Variants in KIF19 observed in about 807,000 individuals in gnomAD.
KIF19 encodes the protein kinesin family member 19, also known as kinesin-like protein KIF19.
In KIF19, 98 loss-of-function variants were observed where a neutral mutation model predicts 106.6. That is an observed-to-expected ratio of 0.92 (90% CI 0.78 to 1.09). The LOEUF (loss-of-function observed/expected upper bound fraction) is 1.09. KIF19 is among the 50% of genes least tolerant of loss of function. KIF19 has a pLI of 0.00. For missense variants in KIF19, 1,373 were observed against 1,414.3 expected, an observed-to-expected ratio of 0.97 and a Z score of 0.47; for synonymous variants, 516 against 584.2, an observed-to-expected ratio of 0.88 and a Z score of 1.68.
At chr17:74,344,712 G>T (rs925250818) in intron 6 of KIF19, 49 bp from the exon 7 acceptor site, 10 of 1,555,908 alleles carry the variant, frequency 6.4e-6, no homozygotes, top group South Asian at 1.2e-5. Context: ...CTCTCTGCCG[G>T]AGCACCTACG....
intron 2 of KIF19, among the ~76,000 whole-genome samples, chr17:74,337,729 TG>T (rs1433835161): frequency 6.6e-6 from 1 of 152,208 alleles, no homozygotes; most frequent in Admixed American, 6.5e-5. Flanking sequence ...GCAGGAAACC[TG>T]GCCTCCTTTT....
chr17:74,327,623 C>A (rs182185941), intron 1 of KIF19, among the ~76,000 whole-genome samples: 28 of 152,340 alleles, frequency 1.8e-4, no homozygotes, highest in Non-Finnish European at 3.2e-4. Flanking sequence ...CAGGCATGCA[C>A]CACCACGCCC....
At chr17:74,345,633 A>G in intron 7 of KIF19, among the ~76,000 whole-genome samples, 1 of 152,140 alleles carries the variant, frequency 6.6e-6, no homozygotes, top group East Asian at 1.9e-4. Context: ...CACCTGAGCA[A>G]TGAGGCTGGG....
chr17:74,354,576 G>C lies in KIF19; in HGVS notation c.2706+17G>C. 6.3e-7 allele frequency: 1 copy of C among 1,579,332 alleles called. No individual in the cohort carries two copies. Among genetic ancestry groups the C allele is most frequent in the Non-Finnish European group, 8.6e-7 (1 of 1,164,792 alleles). On this transcript the variant is annotated intron_variant, in intron 18 of 19. Coordinates refer to ENST00000389916, the MANE Select transcript of KIF19 (RefSeq NM_153209.4). ...GGGCAAGGGGTGAGGCGAGGCGCAG[G>C]GGTGGGTGTCTAGGCACTCCCATAG...
chr17:74,353,584 A>G lies in KIF19; in HGVS notation c.2308+3A>G, dbSNP rs764471789. 1.2e-6 allele frequency: 2 copies of G among 1,611,652 alleles called. No homozygotes were observed. Among genetic ancestry groups the G allele is most frequent in the Non-Finnish European group, 1.7e-6 (2 of 1,178,078 alleles). On this transcript the variant is annotated splice_donor_region_variant and intron_variant, in intron 17 of 19. Transcript: ENST00000389916. Reference sequence around the variant, plus strand: ...GGAGATCCCCTTGTCCCACAAAGGTATGTGTGCCCTCTGCTGCCCGGCCAC... The same window carrying G: ...GGAGATCCCCTTGTCCCACAAAGGTGTGTGTGCCCTCTGCTGCCCGGCCAC...
rs761219951 is a variant in KIF19 at position 74,346,465 on chromosome 17, G to A, written c.865G>A (p.Asp289Asn). ...GGGCAACTGCATCAACGCCCTGAGC[G>A]ACAAGGGTAGCAACAAGTACATCAA... ...ALGNCINALS[D>N]KGSNKYINYR... is the part of the protein sequence containing the mutation. The change falls in exon 8 of 20, where the codon GAC (aspartate) becomes AAC (asparagine). Residue 289 changes from aspartate (D) to asparagine (N), a missense_variant. Physicochemically the swap from Asp to Asn is conservative, Grantham distance 23. Coordinates refer to ENST00000389916, the MANE Select transcript of KIF19 (RefSeq NM_153209.4). This position sits in a 1 kb window ranked among gnomAD's most constrained non-coding sequence, Gnocchi z 4.6. The A allele has an allele frequency of 2.3e-4, 361 of 1,555,274 alleles. No homozygotes were observed. The highest frequency in any genetic ancestry group is 2.9e-4 in the Non-Finnish European group (335 of 1,149,410).
In KIF19 at chr17:74,354,171, AGAT is replaced by A; in HGVS notation, c.2319_2321del (p.Glu773_Ile774delinsAsp). 3 of 1,606,996 alleles carry A rather than the reference AGAT, an allele frequency of 1.9e-6. No individual in the cohort carries two copies. Among genetic ancestry groups the A allele is most frequent in the Non-Finnish European group, 2.5e-6 (3 of 1,178,342 alleles). On this transcript the variant is annotated inframe_deletion, in exon 18 of 20. Transcript: ENST00000389916. ...CCGTGTCCCGCTGCAGAGAGGAAGG[AGAT>A]CCTGACTGGCACCAAGTGCATCTGG...
chr17:74,326,748 C>A (rs908827283), intron 1 of KIF19, among the ~76,000 whole-genome samples: 24 of 152,230 alleles, frequency 1.6e-4, no homozygotes, highest in African/African-American at 5.5e-4. Flanking sequence ...AGGAGGGTGG[C>A]GGTTTCCCAG....
rs2054428904 is a variant in KIF19 at position 74,343,057 on chromosome 17, A to C, written c.353A>C (p.Asp118Ala). 1 of 1,612,276 alleles carries C rather than the reference A, an allele frequency of 6.2e-7. No individual in the cohort carries two copies. The highest frequency in any genetic ancestry group is 8.5e-7 in the Non-Finnish European group (1 of 1,179,518). ...AAAACCTACACCATGCTGGGCACAG[A>C]CCAGGAGCCTGGCATCTATGTTCAG... ...CGKTYTMLGTDQEPGIYVQTL... is the reference protein window; with the variant it reads ...CGKTYTMLGTAQEPGIYVQTL... The change falls in exon 5 of 20, where the codon GAC (aspartate) becomes GCC (alanine). Residue 118 changes from aspartate to alanine, a missense_variant. Transcript: ENST00000389916.
At position 74,350,365 on chromosome 17, in the gene KIF19, G is replaced by C. The variant is rs538844189; in HGVS notation, c.1214-36G>C. 7 of 1,536,692 alleles carry C rather than the reference G, an allele frequency of 4.6e-6. No individual in the cohort carries two copies. The South Asian group carries it at 4.8e-5, about 11-fold the overall frequency. On this transcript the variant is annotated intron_variant, in intron 10 of 19. Coordinates refer to ENST00000389916, the MANE Select transcript of KIF19 (RefSeq NM_153209.4). ...CCAGGCTTTGCTAGCTGAACTTGCC[G>C]CCTCCTCTACCTTGCCCACCCTCAC...
chr17:74,353,840 T>C (rs967280099), intron 17 of KIF19, among the ~76,000 whole-genome samples: 4 of 152,208 alleles, frequency 2.6e-5, no homozygotes, highest in African/African-American at 9.7e-5. Flanking sequence ...TGGAGACTTA[T>C]GTCCCCCCTC....
rs1567913893 is a variant in KIF19, at chr17:74,347,778, ACT to A, written c.931_932del (p.Leu311GlyfsTer36). 6.3e-7 allele frequency: 1 copy of A among 1,588,322 alleles called. No homozygotes were observed. Among genetic ancestry groups the A allele is most frequent in the Non-Finnish European group, 8.6e-7 (1 of 1,168,084 alleles). On this transcript the variant is annotated frameshift_variant and splice_region_variant, in exon 9 of 20. Coordinates refer to ENST00000389916, the MANE Select transcript of KIF19 (RefSeq NM_153209.4). LOFTEE classifies it high-confidence loss of function. Reference sequence around the variant, plus strand: ...TGACCACAGCCACCTCCCATCCAGGACTCTCTGGGAGGAAACAGCCGCACAGT... The same window carrying A: ...TGACCACAGCCACCTCCCATCCAGGACTCTGGGAGGAAACAGCCGCACAGT...
Position 74,350,496 on chromosome 17 carries a change from C to T in KIF19, c.1309C>T (p.Arg437Trp), listed in dbSNP as rs141758836. The change falls in exon 11 of 20, where the codon CGG becomes TGG. Residue 437 changes from arginine to tryptophan, a missense_variant. Physicochemically the swap from Arg to Trp is moderately radical, Grantham distance 101. This residue lies in a region of KIF19 where 1,020 missense variants were observed against 1,008.2 expected (regional missense o/e 1.01). Transcript: ENST00000389916. ...CGCCTTCCAGGAGCAGATGGATGTG[C>T]GGAGGCGCCTGCTGGAGCTGGAGAA... The part of the protein sequence containing the change: ...ASAFQEQMDV[R>W]RRLLELENRA... 5.3e-5 allele frequency: 86 copies of T among 1,612,198 alleles called. No individual in the cohort carries two copies. The highest frequency in any genetic ancestry group is 8.0e-5 in the African/African-American group (6 of 74,930).
chr17:74,333,344 T>C (rs2054142143), intron 2 of KIF19, among the ~76,000 whole-genome samples: 2 of 151,316 alleles, frequency 1.3e-5, no homozygotes. Flanking sequence ...AATGGAATCA[T>C]GCAGTATGTG....
rs1488392875 is a variant in KIF19 at position 74,353,317 on chromosome 17, C to T, written c.2220+16C>T. On this transcript the variant is annotated intron_variant, in intron 16 of 19. Coordinates refer to ENST00000389916, the MANE Select transcript of KIF19 (RefSeq NM_153209.4). ...GACGCAGGAGGTGAGCTCTCAGTAC[C>T]CGATGGCCCCACGAGCTCCACTGCA... 1.3e-6 allele frequency: 2 copies of T among 1,552,604 alleles called. No homozygotes were observed. The highest frequency in any genetic ancestry group is 1.7e-6 in the Non-Finnish European group (2 of 1,146,102).
intron 6 of KIF19, 150 bp from the exon 7 acceptor site, chr17:74,344,611 C>A: frequency 1.1e-6 from 1 of 906,232 alleles, no homozygotes; most frequent in Non-Finnish European, 1.6e-6. Context: ...CCACGCCAGG[C>A]CTCTCAGCAC....
intron 1 of KIF19, 53 bp from the exon 2 acceptor site, chr17:74,328,371 AG>A (rs2053971717): frequency 7.2e-6 from 11 of 1,524,678 alleles, no homozygotes; most frequent in Non-Finnish European, 9.8e-6. Flanking sequence ...GGTCTCTCTG[AG>A]GCCCAGCATG....
chr17:74,354,531 CCCGATCCTTCGAGGTCA>C lies in KIF19; in HGVS notation c.2682_2698del (p.Ser895AlafsTer98). 4 of 1,600,248 alleles carry C rather than the reference CCCGATCCTTCGAGGTCA, an allele frequency of 2.5e-6. No individual in the cohort carries two copies. Among genetic ancestry groups the C allele is most frequent in the Non-Finnish European group, 3.4e-6 (4 of 1,174,544 alleles). ...GAGGCAAAGAGAAGGAAGCGGAGGT[CCCGATCCTTCGAGGTCA>C]CCGGGCAAGGGGTGAGGCGAGGCGC... On this transcript the variant is annotated frameshift_variant, in exon 18 of 20. Transcript: ENST00000389916. LOFTEE classifies it high-confidence loss of function.
At chr17:74,336,790 C>T (rs1409361175) in intron 2 of KIF19, among the ~76,000 whole-genome samples, 1 of 152,154 alleles carries the variant, frequency 6.6e-6, no homozygotes, top group Non-Finnish European at 1.5e-5. Context: ...CATCTCCAGG[C>T]AAGTGATAAT....
Sources: gnomAD v4.1 joint callset for allele counts (sites outside exome capture counted in the v4.1 genomes callset) on GRCh38, gnomAD v4.1.1 for gene constraint, gnomAD v4.1.1 regional missense constraint, Gnocchi (gnomAD v3.1) non-coding constraint, MANE v1.5 for transcripts, NCBI Gene and HGNC (gene_info 2026-07-23, HGNC 2026-07-21) for gene names.